Variants in TENM2 observed in about 807,000 individuals in gnomAD.
TENM2 encodes the protein teneurin-2.
In TENM2, 52 loss-of-function variants were observed where a neutral mutation model predicts 245.2. That is an observed-to-expected ratio of 0.21 (90% CI 0.17 to 0.27). The LOEUF is 0.27. Ranked by LOEUF, TENM2 falls within the 10% of genes least tolerant of loss-of-function variation. The probability of loss-of-function intolerance (pLI) is 1.00; values close to 1 mark genes in which losing one functional copy is unlikely to be tolerated. For synonymous variants in TENM2, 1,363 were observed against 1,438.9 expected (o/e 0.95, Z 1.19); for missense variants, 3,046 against 3,666.8 (o/e 0.83, Z 4.37).
At chr5:167,852,492 A>G (rs1383338807) in intron 2 of TENM2, among the ~76,000 whole-genome samples, 1 of 152,168 alleles carries the variant, frequency 6.6e-6, no homozygotes, top group Non-Finnish European at 1.5e-5. Flanking sequence ...TTAGCTGTAA[A>G]TTGTTTTTTA....
At chr5:167,827,344 T>G (rs540618530) in intron 2 of TENM2, among the ~76,000 whole-genome samples, 1 of 152,228 alleles carries the variant, frequency 6.6e-6, no homozygotes, top group South Asian at 2.1e-4. Flanking sequence ...CAACTAAATT[T>G]TAATCAACAG....
At chr5:167,237,164 C>T in the TENM2 span, among the ~76,000 whole-genome samples, 12 of 152,270 alleles carry the variant, frequency 7.9e-5, 1 homozygote, top group East Asian at 1.7e-3. Context: ...ATCCGCGCAC[C>T]TGTATGTCTG....
At chr5:167,935,889 T>A (rs542810957) in intron 3 of TENM2, among the ~76,000 whole-genome samples, 177 of 152,234 alleles carry the variant, frequency 1.2e-3, no homozygotes, top group Non-Finnish European at 1.8e-3. Context: ...AAAACAGGTA[T>A]GATTTTTTTT....
chr5:167,832,655 A>G (rs1189279362), intron 2 of TENM2, among the ~76,000 whole-genome samples: 2 of 152,070 alleles, frequency 1.3e-5, no homozygotes, highest in Non-Finnish European at 2.9e-5. Flanking sequence ...GGAGAGGAAA[A>G]CAGGAAAGAA....
chr5:167,113,669 C>G, the TENM2 span, among the ~76,000 whole-genome samples: 3 of 150,728 alleles, frequency 2.0e-5, no homozygotes, highest in African/African-American at 4.9e-5. Context: ...ATGTTAAATA[C>G]ATGGGAAATG....
intron 2 of TENM2, among the ~76,000 whole-genome samples, chr5:167,531,463 G>A (rs1428986936): frequency 2.6e-5 from 4 of 151,522 alleles, no homozygotes; most frequent in Admixed American, 2.6e-4. Flanking sequence ...AGTCTGACAC[G>A]TCCATCACTT....
At chr5:167,179,866 T>A in the TENM2 span, among the ~76,000 whole-genome samples, 1 of 152,120 alleles carries the variant, frequency 6.6e-6, no homozygotes, top group Non-Finnish European at 1.5e-5. Flanking sequence ...ATTAGCTGCA[T>A]GTGCAAAGTT....
intron 2 of TENM2, among the ~76,000 whole-genome samples, chr5:167,736,059 G>A (rs1273510221): frequency 6.6e-6 from 1 of 152,208 alleles, no homozygotes; most frequent in Non-Finnish European, 1.5e-5. Context: ...AAGGAAAGAA[G>A]TTTAATTGAC....
At chr5:167,901,799 A>G (rs1775726017) in intron 3 of TENM2, among the ~76,000 whole-genome samples, 1 of 152,124 alleles carries the variant, frequency 6.6e-6, no homozygotes, top group African/African-American at 2.4e-5. Flanking sequence ...TGTTGCTTCA[A>G]TTTTTTGTTA....
chr5:168,007,869 C>T (rs1194696989), intron 5 of TENM2, among the ~76,000 whole-genome samples: 1 of 151,928 alleles, frequency 6.6e-6, no homozygotes, highest in Non-Finnish European at 1.5e-5. Flanking sequence ...TTGGGAAAGT[C>T]GATTAAATTT....
At chr5:168,086,211 C>T (rs537359431) in intron 7 of TENM2, among the ~76,000 whole-genome samples, 16 of 152,262 alleles carry the variant, frequency 1.1e-4, no homozygotes, top group Non-Finnish European at 1.9e-4. Flanking sequence ...AGTAACAGCC[C>T]CCGCTCCACG....
chr5:167,172,977 G>A, the TENM2 span, among the ~76,000 whole-genome samples: 7 of 152,112 alleles, frequency 4.6e-5, no homozygotes, highest in Non-Finnish European at 8.8e-5. Flanking sequence ...AGGGTCTGAA[G>A]GTACTGTGTG....
the TENM2 span, among the ~76,000 whole-genome samples, chr5:167,035,278 A>T: frequency 6.6e-6 from 1 of 152,144 alleles, no homozygotes; most frequent in East Asian, 1.9e-4. Context: ...CTTCATATGA[A>T]TTTTCATGAG....
At chr5:166,999,453 C>T in the TENM2 span, among the ~76,000 whole-genome samples, 1 of 152,116 alleles carries the variant, frequency 6.6e-6, no homozygotes. Context: ...GCAGATCAAG[C>T]ATAGATTAGG....
intron 5 of TENM2, among the ~76,000 whole-genome samples, chr5:168,047,149 C>A (rs1322712932): frequency 1.3e-5 from 2 of 152,116 alleles, no homozygotes; most frequent in Admixed American, 6.5e-5. Context: ...ATGGTGGCAC[C>A]GTTTGGAAGA....
rs180975451 is a variant in TENM2, at chr5:168,179,416, G to A, written c.2570-10921G>A. 2.6e-5 allele frequency among the ~76,000 whole-genome samples: 4 copies of A among 152,338 alleles called. No individual in the cohort carries two copies. In the South Asian group the frequency reaches 8.3e-4, roughly 32 times the overall value. ...GCCAAGCACTTAATTGTAAACTTAA[G>A]TCAAAAGTGTGAACTGGATGAAGCT... On this transcript the variant is annotated intron_variant, in intron 13 of 28. Coordinates refer to ENST00000518659, the Ensembl canonical transcript of TENM2.
chr5:167,015,753 T>C, the TENM2 span, among the ~76,000 whole-genome samples: 2 of 152,236 alleles, frequency 1.3e-5, no homozygotes, highest in South Asian at 4.1e-4. Context: ...AGTTATGTTC[T>C]ACAAGATCAA....
intron 2 of TENM2, among the ~76,000 whole-genome samples, chr5:167,470,454 C>CTGTTTTTT (rs1766939931): frequency 2.1e-5 from 1 of 47,394 alleles, no homozygotes; most frequent in African/African-American, 8.4e-5. Flanking sequence ...GCAATGCTTG[C>CTGTTTTTT]TTTTTTTTTT....
At chr5:167,733,162 T>G (rs2150564110) in intron 2 of TENM2, among the ~76,000 whole-genome samples, 1 of 152,286 alleles carries the variant, frequency 6.6e-6, no homozygotes, top group South Asian at 2.1e-4. Context: ...CGGAGTTGAT[T>G]GGTCACCTGC....
Sources: allele counts gnomAD v4.1 joint callset (sites outside exome capture counted in the v4.1 genomes callset), GRCh38; gene constraint gnomAD v4.1.1; transcripts MANE v1.5; gene names NCBI Gene and HGNC (gene_info 2026-07-23, HGNC 2026-07-21).